Variants in PKP2 observed in about 807,000 individuals in gnomAD.
PKP2 encodes plakophilin-2.
Under a neutral mutation model 83.4 loss-of-function variants are expected in PKP2, and 73 were observed. The observed-to-expected ratio is 0.88, with a 90% CI of 0.72 to 1.06. PKP2 has a LOEUF of 1.06. PKP2 is among the 50% of genes least tolerant of loss of function. PKP2 has a pLI of 0.00. For missense variants in PKP2, 966 were observed against 1,065.4 expected (o/e 0.91, Z 1.30); for synonymous variants, 409 against 430.4 (o/e 0.95, Z 0.62).
intron 1 of PKP2, 45 bp downstream of exon 1, chr12:32,896,464 G>C (rs982306710): frequency 5.8e-6 from 8 of 1,380,166 alleles, no homozygotes; most frequent in East Asian, 5.5e-5. Flanking sequence ...AGGTGACCGG[G>C]TGTGGGGCAG....
intron 4 of PKP2, among the ~76,000 whole-genome samples, chr12:32,857,804 A>T (rs571712810): frequency 6.6e-6 from 1 of 152,032 alleles, no homozygotes; most frequent in African/African-American, 2.4e-5. Context: ...GTATAAGCAA[A>T]ATGATATTTT....
chr12:32,820,751 C>G (rs1956367832), intron 9 of PKP2: 1 of 157,290 alleles, frequency 6.4e-6, no homozygotes, highest in Non-Finnish European at 1.4e-5. Context: ...ATGATCCAGA[C>G]TTGGCCAATT....
At chr12:32,869,916 C>T (rs1343350573) in intron 3 of PKP2, among the ~76,000 whole-genome samples, 1 of 151,928 alleles carries the variant, frequency 6.6e-6, no homozygotes, top group Non-Finnish European at 1.5e-5. Context: ...GTAGACCCAG[C>T]TACTTGGAAG....
rs1424035271 is a variant in PKP2, at chr12:32,843,306, T to C, written c.1379-2101A>G. ...AGCCATTCCTACTTCTTAAATTGAC[T>C]GTATGGTCTGTACAAAGGAAAGAGG... is the stretch of plus-strand genomic sequence containing the variant. On this transcript the variant is annotated intron_variant, in intron 5 of 12. Coordinates refer to ENST00000340811, the MANE Select transcript of PKP2 (RefSeq NM_001005242.3). 7.3e-7 allele frequency: 1 copy of C among 1,364,898 alleles called. No homozygotes were observed. Among genetic ancestry groups the C allele is most frequent in the Non-Finnish European group, 9.8e-7 (1 of 1,021,074 alleles). 84.5% of individuals were successfully genotyped at this position (1,364,898 alleles called of 1,614,324 possible).
intron 10 of PKP2, among the ~76,000 whole-genome samples, chr12:32,797,802 C>T (rs991810295): frequency 1.4e-4 from 21 of 151,822 alleles, no homozygotes; most frequent in Admixed American, 5.2e-4. Context: ...GTGATCCGCC[C>T]GCCTGGGCCT....
intron 1 of PKP2, among the ~76,000 whole-genome samples, chr12:32,895,390 T>C (rs1957113372): frequency 6.6e-6 from 1 of 152,250 alleles, no homozygotes; most frequent in African/African-American, 2.4e-5. Flanking sequence ...TTGAAATCTC[T>C]GGTCTGGCCT....
chr12:32,839,629 C>T (rs1027418111), intron 6 of PKP2, among the ~76,000 whole-genome samples: 1 of 152,062 alleles, frequency 6.6e-6, no homozygotes, highest in African/African-American at 2.4e-5. Context: ...GCCACATGGG[C>T]CAATGAATTC....
rs768376044 is a variant in PKP2, at chr12:32,896,540, G to A, written c.192C>T (p.Leu64=). The A allele has an allele frequency of 6.4e-7, 1 of 1,574,272 alleles. No individual in the cohort carries two copies. Residue 64 remains leucine, a synonymous_variant, in exon 1 of 13, where the codon CTC becomes CTT. Transcript: ENST00000340811. ...LRIQEQVQQT[L]ARKGRSSVGN... Reference sequence around the variant, plus strand: ...CCACGGAGCTGCGGCCCTTCCGGGCGAGGGTCTGCTGCACCTGCTCCTGGA... The same window carrying A: ...CCACGGAGCTGCGGCCCTTCCGGGCAAGGGTCTGCTGCACCTGCTCCTGGA...
chr12:32,841,384 T>C (rs771470001), intron 5 of PKP2, among the ~76,000 whole-genome samples, 179 bp from the exon 6 acceptor site: 1 of 152,154 alleles, frequency 6.6e-6, no homozygotes, highest in African/African-American at 2.4e-5. Flanking sequence ...TAGATGGTGA[T>C]GGAGGCTGAC....
rs769943903 is a variant in PKP2 at position 32,821,491 on chromosome 12, G to T, written c.1878C>A (p.Asn626Lys). ...QDVPMPEEKS[N>K]PKGVEWLWHS... ...GCCACAGCCACTCCACGCCCTTGGGGTTGCTCTTTTCCTCCGGCATCGGCA... is the reference window on the plus strand; with the variant it reads ...GCCACAGCCACTCCACGCCCTTGGGTTTGCTCTTTTCCTCCGGCATCGGCA... Residue 626 changes from asparagine (N) to lysine (K), a missense_variant, in exon 9 of 13, where the codon AAC (asparagine) becomes AAA (lysine). Physicochemically the swap from Asn to Lys is moderately conservative, Grantham distance 94. Transcript: ENST00000340811. 6.2e-7 allele frequency: 1 copy of T among 1,613,858 alleles called. No individual in the cohort carries two copies. The highest frequency in any genetic ancestry group is 1.3e-5 in the African/African-American group (1 of 74,870).
In PKP2 at chr12:32,870,296, G is replaced by C. The variant is rs935612339; in HGVS notation, c.1035-1234C>G. Among the ~76,000 whole-genome samples the C allele has an allele frequency of 2.0e-5, 3 of 152,236 alleles. No homozygotes were observed. The South Asian group carries it at 6.2e-4, about 32-fold the overall frequency. On this transcript the variant is annotated intron_variant, in intron 3 of 12. Transcript: ENST00000340811. The stretch of plus-strand genomic sequence containing the variant: ...GTACAGCCTTATGAAGGGTGTGCCT[G>C]TGTGTGGGTGGGGGCGGTGCAGGTG...
At chr12:32,858,814 A>C (rs1161755228) in intron 4 of PKP2, among the ~76,000 whole-genome samples, 1 of 152,236 alleles carries the variant, frequency 6.6e-6, no homozygotes, top group African/African-American at 2.4e-5. Context: ...ATGACAATTC[A>C]CTGAAGAAAT....
In PKP2 at chr12:32,896,556, T is replaced by C. The variant is rs730880179; in HGVS notation, c.176A>G (p.Gln59Arg). 5 of 1,588,018 alleles carry C rather than the reference T, an allele frequency of 3.1e-6. No homozygotes were observed. The highest frequency in any genetic ancestry group is 4.3e-6 in the Non-Finnish European group (5 of 1,175,074). The part of the protein sequence containing the change: ...QTVKSLRIQE[Q>R]VQQTLARKGR... ...CTTCCGGGCGAGGGTCTGCTGCACC[T>C]GCTCCTGGATCCGCAGGCTCTTGAC... The change falls in exon 1 of 13, where the codon CAG becomes CGG. Residue 59 changes from glutamine (Q) to arginine (R), a missense_variant. By Grantham distance (43) the Gln-to-Arg change is conservative. Transcript: ENST00000340811.
intron 9 of PKP2, among the ~76,000 whole-genome samples, chr12:32,812,654 C>G (rs1327182570): frequency 1.3e-5 from 2 of 152,150 alleles, no homozygotes; most frequent in African/African-American, 4.8e-5. Flanking sequence ...AGGCGCCCAC[C>G]ACCATGCCTG....
At chr12:32,894,966 A>T (rs940862993) in intron 1 of PKP2, among the ~76,000 whole-genome samples, 1 of 152,196 alleles carries the variant, frequency 6.6e-6, no homozygotes, top group African/African-American at 2.4e-5. Flanking sequence ...TTATTTAAAG[A>T]AAAATGGGAG....
chr12:32,843,963 T>G (rs936390815), intron 5 of PKP2, among the ~76,000 whole-genome samples: 1 of 152,186 alleles, frequency 6.6e-6, no homozygotes, highest in Admixed American at 6.5e-5. Flanking sequence ...CTTAAGAATG[T>G]GAAGCATAAT....
At chr12:32,845,608 T>G (rs962109914) in intron 5 of PKP2, among the ~76,000 whole-genome samples, 1 of 152,044 alleles carries the variant, frequency 6.6e-6, no homozygotes, top group African/African-American at 2.4e-5. Flanking sequence ...ACAGAAAATA[T>G]AGTAATTTAA....
intron 10 of PKP2, 66 bp downstream of exon 10, chr12:32,802,337 A>G: frequency 6.6e-7 from 1 of 1,506,932 alleles, no homozygotes; most frequent in Non-Finnish European, 9.2e-7. Context: ...GGTGATACAG[A>G]CAACATTTCA....
In PKP2 at chr12:32,801,844, T is replaced by G. The variant is rs571336557; in HGVS notation, c.2167+559A>C. Among the ~76,000 whole-genome samples, 8 of 152,240 alleles carry G rather than the reference T, an allele frequency of 5.3e-5. No individual in the cohort carries two copies. In the East Asian group the frequency reaches 1.5e-3, roughly 29 times the overall value. ...GTCAATAATACAGTCAAAGGCAAAA[T>G]ATGTCTCATCACAGTTACTCAAAAA... On this transcript the variant is annotated intron_variant, in intron 10 of 12. Transcript: ENST00000340811.
Sources: gnomAD v4.1 joint callset for allele counts (sites outside exome capture counted in the v4.1 genomes callset) on GRCh38, gnomAD v4.1.1 for gene constraint, MANE v1.5 for transcripts, NCBI Gene and HGNC (gene_info 2026-07-23, HGNC 2026-07-21) for gene names.